EFCAB12: variants seen among roughly 807,000 people sequenced by gnomAD.
The protein encoded by EFCAB12 is EF-hand calcium-binding domain-containing protein 12.
EFCAB12 carries 43 observed loss-of-function variants against 53.6 expected under a neutral mutation model. The observed-to-expected ratio is 0.80, with a 90% CI of 0.63 to 1.03. EFCAB12 has a LOEUF of 1.03. Ranked by LOEUF, EFCAB12 falls within the 50% of genes least tolerant of loss-of-function variation. The pLI, the probability that EFCAB12 is intolerant of heterozygous loss-of-function variation, is 0.00. For synonymous variants in EFCAB12, 269 were observed against 289.2 expected (o/e 0.93, Z 0.71); for missense variants, 646 against 730.6 (o/e 0.88, Z 1.34).
intron 5 of EFCAB12, 129 bp downstream of exon 5, chr3:129,411,028 AG>A (rs1273958724): frequency 4.4e-6 from 4 of 906,354 alleles, no homozygotes; most frequent in Non-Finnish European, 6.4e-6. Flanking sequence ...GACGTGAAGA[AG>A]GGGTGGTTGT....
chr3:129,406,487 G>A (rs1203684432), intron 6 of EFCAB12, among the ~76,000 whole-genome samples: 1 of 152,134 alleles, frequency 6.6e-6, no homozygotes, highest in East Asian at 1.9e-4. Flanking sequence ...GTGTGTGCAC[G>A]TGTGTGTGTA....
chr3:129,426,457 C>T (rs1250890046), intron 1 of EFCAB12, among the ~76,000 whole-genome samples: 3 of 150,518 alleles, frequency 2.0e-5, no homozygotes, highest in Admixed American at 6.6e-5. Context: ...CTCTGCCTCC[C>T]GGGTTCACGC....
chr3:129,424,756 T>C (rs535248655), intron 1 of EFCAB12, among the ~76,000 whole-genome samples: 13 of 152,338 alleles, frequency 8.5e-5, no homozygotes, highest in South Asian at 2.1e-4. Flanking sequence ...TCAGTATTTA[T>C]TGAGAATCCC....
intron 5 of EFCAB12, 59 bp from the exon 6 acceptor site, chr3:129,408,917 A>G (rs2107736955): frequency 7.8e-6 from 12 of 1,528,900 alleles, no homozygotes; most frequent in Non-Finnish European, 1.1e-5. Flanking sequence ...CCTCCTGGCC[A>G]GAAGAAGGAA....
intron 2 of EFCAB12, 88 bp from the exon 3 acceptor site, chr3:129,418,536 G>T: frequency 8.0e-7 from 1 of 1,242,944 alleles, no homozygotes. Flanking sequence ...GGACTAAGGA[G>T]AGGACGAGCA....
chr3:129,408,499 C>T (rs192930063), intron 6 of EFCAB12, 146 bp downstream of exon 6: 26 of 832,124 alleles, frequency 3.1e-5, no homozygotes, highest in African/African-American at 1.2e-4. Flanking sequence ...TTCTCCTCCA[C>T]GCCCCCACTC....
rs749936801 is a variant in EFCAB12, at chr3:129,404,303, C to T, written c.1350G>A (p.Pro450=). 1.3e-5 allele frequency: 21 copies of T among 1,613,852 alleles called. No individual in the cohort carries two copies. The highest frequency in any genetic ancestry group is 5.5e-5 in the South Asian group (5 of 91,072). ...CCTGGGACCGGAGCAGAGCCAGATTCGGAGAAAAGACCTTCCAGTCAGAGT... is the reference window on the plus strand; with the variant it reads ...CCTGGGACCGGAGCAGAGCCAGATTTGGAGAAAAGACCTTCCAGTCAGAGT... ...GYYSDWKVFS[P]NLALLRSQGP... is the part of the protein sequence containing the mutation. The change falls in exon 7 of 9, where the codon CCG becomes CCA. Residue 450 remains proline, a synonymous_variant. Transcript: ENST00000505956.
intron 5 of EFCAB12, among the ~76,000 whole-genome samples, chr3:129,409,884 C>G (rs1301491585): frequency 6.6e-6 from 1 of 152,102 alleles, no homozygotes; most frequent in Non-Finnish European, 1.5e-5. Flanking sequence ...TGTCATGCAA[C>G]TGAATCAAAT....
intron 1 of EFCAB12, among the ~76,000 whole-genome samples, chr3:129,426,609 C>A (rs2072275952): frequency 6.6e-6 from 1 of 151,538 alleles, no homozygotes; most frequent in Non-Finnish European, 1.5e-5. Flanking sequence ...GGTGATCCGC[C>A]CACCTCAGCC....
rs753517669 is a variant in EFCAB12 at position 129,401,834 on chromosome 3, C to T, written c.1478G>A (p.Arg493Lys). Reference sequence around the variant, plus strand: ...GTGTGTTTGCTGCAGACCACTGGACCTCTTCACCTTCAGCTTCCTGGAAAA... The same window carrying T: ...GTGTGTTTGCTGCAGACCACTGGACTTCTTCACCTTCAGCTTCCTGGAAAA... ...EEFTRKLKVK[R>K]SSGLQQTHPN... Residue 493 changes from arginine (R) to lysine (K), a missense_variant, in exon 9 of 9, where the codon AGG becomes AAG. By Grantham distance (26) the Arg-to-Lys change is conservative (BLOSUM62 2). Transcript: ENST00000505956. 1.2e-6 allele frequency: 2 copies of T among 1,612,232 alleles called. No homozygotes were observed. The highest frequency in any genetic ancestry group is 8.5e-7 in the Non-Finnish European group (1 of 1,178,634).
At chr3:129,423,591 T>C (rs758519719) in intron 1 of EFCAB12, among the ~76,000 whole-genome samples, 25 of 152,226 alleles carry the variant, frequency 1.6e-4, no homozygotes, top group Non-Finnish European at 3.4e-4. Context: ...TTACCCGCAT[T>C]GTAATCCAGC....
chr3:129,402,440 G>C lies in EFCAB12; in HGVS notation c.1460+83C>G, dbSNP rs1413737277. The C allele has an allele frequency of 2.1e-6, 3 of 1,441,324 alleles. No individual in the cohort carries two copies. In the East Asian group the frequency reaches 7.2e-5, roughly 35 times the overall value. The allele number at this position is 1,441,324 out of a possible 1,614,324, so 89.3% of individuals were successfully genotyped here. A position where few individuals can be genotyped will look rare whatever the true frequency, so the allele number is the denominator to read the frequency against. On this transcript the variant is annotated intron_variant, in intron 8 of 8. Transcript: ENST00000505956. The stretch of plus-strand genomic sequence containing the variant: ...CACCGAGCCCCAGCTGTTGTGCCAG[G>C]AGTGCAGAGTCCCAGTTGTCTCAGG...
chr3:129,426,950 C>A (rs1352839335), intron 1 of EFCAB12, among the ~76,000 whole-genome samples: 1 of 149,744 alleles, frequency 6.7e-6, no homozygotes, highest in African/African-American at 2.5e-5. Context: ...CTGGTTCATG[C>A]CATTCTCCTG....
chr3:129,425,733 CTA>C lies in EFCAB12; in HGVS notation c.49+2705_49+2706del, dbSNP rs1024997959. Reference sequence around the variant, plus strand: ...GTCATTGTGTAGTTATGGGTAGAGACTATGTGACAATGTTCCTAGGAAATTGG... The same window carrying C: ...GTCATTGTGTAGTTATGGGTAGAGACTGTGACAATGTTCCTAGGAAATTGG... On this transcript the variant is annotated intron_variant, in intron 1 of 8. Coordinates refer to ENST00000505956, the MANE Select transcript of EFCAB12 (RefSeq NM_207307.3). Among the ~76,000 whole-genome samples, 6 of 152,266 alleles carry C rather than the reference CTA, an allele frequency of 3.9e-5. No individual in the cohort carries two copies. The South Asian group carries it at 8.3e-4, about 21-fold the overall frequency.
chr3:129,416,907 C>G (rs1051663529), intron 3 of EFCAB12, among the ~76,000 whole-genome samples: 7 of 152,292 alleles, frequency 4.6e-5, no homozygotes, highest in Admixed American at 4.6e-4. Context: ...TCACTTTGGC[C>G]TTCCAAAGTG....
intron 6 of EFCAB12, among the ~76,000 whole-genome samples, chr3:129,404,748 C>T (rs77599523): frequency 1.8e-4 from 28 of 152,132 alleles, no homozygotes; most frequent in African/African-American, 4.6e-4. Context: ...CCCGGTGCAA[C>T]GAGGTCTGAG....
intron 6 of EFCAB12, among the ~76,000 whole-genome samples, chr3:129,405,387 G>T (rs2071935211): frequency 6.6e-6 from 1 of 152,196 alleles, no homozygotes; most frequent in South Asian, 2.1e-4. Context: ...GAGAGGGAAG[G>T]GGGAGATATG....
intron 2 of EFCAB12, 70 bp downstream of exon 2, chr3:129,421,297 C>T: frequency 6.8e-7 from 1 of 1,464,542 alleles, no homozygotes; most frequent in East Asian, 2.4e-5. Flanking sequence ...TCCAGCCTAA[C>T]CCAAGGGAAT....
intron 4 of EFCAB12, chr3:129,412,803 G>C (rs1458303059): frequency 6.6e-6 from 1 of 152,290 alleles, no homozygotes; most frequent in Non-Finnish European, 1.5e-5. Context: ...GGCCGTCCCT[G>C]ACCACCAGCC....
Sources: allele counts gnomAD v4.1 joint callset (sites outside exome capture counted in the v4.1 genomes callset), GRCh38; gene constraint gnomAD v4.1.1; transcripts MANE v1.5; gene names NCBI Gene and HGNC (gene_info 2026-07-23, HGNC 2026-07-21).